Variants in ADCK1 observed in about 807,000 individuals in gnomAD.
ADCK1 encodes the protein aarF domain-containing protein kinase 1.
A neutral mutation model predicts 52.3 loss-of-function variants in ADCK1; 41 were observed. That is an observed-to-expected ratio of 0.78 (90% CI 0.61 to 1.02). ADCK1 has a LOEUF of 1.02. Ranked by LOEUF, ADCK1 falls within the 50% of genes least tolerant of loss-of-function variation. The probability of loss-of-function intolerance (pLI) is 0.00; values close to 1 mark genes in which losing one functional copy is unlikely to be tolerated. For synonymous variants in ADCK1, 250 were observed against 274.6 expected (o/e 0.91, Z 0.89); for missense variants, 658 against 679.5 (o/e 0.97, Z 0.35).
intron 4 of ADCK1, 134 bp downstream of exon 4, chr14:77,859,413 G>T: frequency 2.3e-6 from 2 of 861,498 alleles, no homozygotes; most frequent in Non-Finnish European, 3.5e-6. Flanking sequence ...GCCACTCTCA[G>T]TGCTGAAATC....
chr14:77,905,301 C>G (rs1252208149), intron 6 of ADCK1, among the ~76,000 whole-genome samples: 1 of 77,396 alleles, frequency 1.3e-5, no homozygotes, highest in Non-Finnish European at 2.7e-5. Context: ...TCTTTCCTAG[C>G]TGGTTTTTTT....
At chr14:77,836,247 A>G (rs542491990) in intron 3 of ADCK1, among the ~76,000 whole-genome samples, 1 of 152,328 alleles carries the variant, frequency 6.6e-6, no homozygotes, top group Admixed American at 6.5e-5. Context: ...TCTCTTGGTC[A>G]TGGGCTTCCC....
intron 1 of ADCK1, among the ~76,000 whole-genome samples, chr14:77,803,482 C>T (rs768255626): frequency 2.6e-5 from 4 of 152,146 alleles, no homozygotes; most frequent in South Asian, 4.2e-4. Flanking sequence ...GTCAAGGGGA[C>T]GGACATTTCG....
intron 4 of ADCK1, 84 bp downstream of exon 4, chr14:77,859,363 G>GT (rs1455691641): frequency 7.3e-7 from 1 of 1,366,620 alleles, no homozygotes; most frequent in East Asian, 2.5e-5. Flanking sequence ...CTCGACCAGG[G>GT]TGCTGGGGAT....
rs371572865 is a variant in ADCK1, at chr14:77,815,520, A to AT, written c.-11-3431dup. 8.2e-3 allele frequency among the ~76,000 whole-genome samples: 1,073 copies of AT among 131,090 alleles called. 10 individuals carry two copies. The highest frequency in any genetic ancestry group is 0.023 in the East Asian group (106 of 4,570). 86.0% of individuals were successfully genotyped at this position (131,090 alleles called of 152,430 possible). On this transcript the variant is annotated intron_variant, in intron 1 of 10. Transcript: ENST00000238561. ...TCACTGCCCCCAGCCAGGCACCTGC[A>AT]TTTTTTTTTTTTTTTTTGAGATGGA...
At chr14:77,850,335 G>C (rs1374196140) in intron 3 of ADCK1, among the ~76,000 whole-genome samples, 1 of 152,196 alleles carries the variant, frequency 6.6e-6, no homozygotes, top group African/African-American at 2.4e-5. Flanking sequence ...TAGTGTTCAA[G>C]TCTTTTATAT....
chr14:77,827,350 CAAA>C (rs772586548), intron 3 of ADCK1, among the ~76,000 whole-genome samples: 3,605 of 71,542 alleles, frequency 0.05, 52 homozygotes, highest in African/African-American at 0.11. Context: ...GACTCTGTCT[CAAA>C]AAAAAAAAAA....
At chr14:77,900,774 C>T in intron 6 of ADCK1, 1 of 332,302 alleles carries the variant, frequency 3.0e-6, no homozygotes, top group South Asian at 2.3e-5. Flanking sequence ...ATAAGCACAT[C>T]CAAAATTTGC....
chr14:77,816,926 A>C (rs1035563265), intron 1 of ADCK1, among the ~76,000 whole-genome samples: 2 of 144,720 alleles, frequency 1.4e-5, no homozygotes, highest in Admixed American at 7.1e-5. Flanking sequence ...GCTATATTAT[A>C]AGGCATAAGT....
At chr14:77,890,950 C>T (rs1322837275) in intron 5 of ADCK1, among the ~76,000 whole-genome samples, 2 of 152,082 alleles carry the variant, frequency 1.3e-5, no homozygotes, top group Admixed American at 1.3e-4. Flanking sequence ...TAGATCAAGT[C>T]CTAAGGGAGA....
chr14:77,832,178 G>A (rs2112129), intron 3 of ADCK1, among the ~76,000 whole-genome samples: 128,271 of 152,096 alleles, frequency 0.84, 54,271 homozygotes, highest in Middle Eastern at 0.93. Flanking sequence ...GGATTTCACC[G>A]TATTGGCCAG....
intron 2 of ADCK1, 94 bp downstream of exon 2, chr14:77,819,207 G>C: frequency 6.5e-7 from 1 of 1,539,966 alleles, no homozygotes; most frequent in East Asian, 2.3e-5. Context: ...CTATGCATAT[G>C]TGGAGATACT....
intron 9 of ADCK1, among the ~76,000 whole-genome samples, chr14:77,929,914 C>G (rs1207559042): frequency 6.6e-6 from 1 of 152,188 alleles, no homozygotes; most frequent in Non-Finnish European, 1.5e-5. Flanking sequence ...ATCTGCCCAT[C>G]TTGGCCTCCC....
At chr14:77,862,937 C>T (rs947875153) in intron 4 of ADCK1, among the ~76,000 whole-genome samples, 14 of 152,130 alleles carry the variant, frequency 9.2e-5, no homozygotes, top group African/African-American at 3.4e-4. Flanking sequence ...TCTGACCCAG[C>T]CCCTTAGAGA....
At chr14:77,850,457 G>T (rs1235889089) in intron 3 of ADCK1, among the ~76,000 whole-genome samples, 2 of 151,922 alleles carry the variant, frequency 1.3e-5, no homozygotes, top group Non-Finnish European at 1.5e-5. Context: ...GTTTTTTTAC[G>T]TCATGTATTT....
intron 3 of ADCK1, among the ~76,000 whole-genome samples, chr14:77,852,652 AATAAATAAATATAT>A (rs1308557168): frequency 0.14 from 4,498 of 32,244 alleles, 195 homozygotes; most frequent in Admixed American, 0.17. Context: ...TATTTCTTTA[AATAAATAAATATAT>A]ATATATATAT....
At chr14:77,807,037 T>C (rs1308887589) in intron 1 of ADCK1, among the ~76,000 whole-genome samples, 5 of 126,762 alleles carry the variant, frequency 3.9e-5, no homozygotes, top group African/African-American at 1.5e-4. Flanking sequence ...TCTCTCTCTC[T>C]CTTTTTTTTT....
chr14:77,930,181 A>G (rs2084294907), intron 9 of ADCK1, among the ~76,000 whole-genome samples: 1 of 152,134 alleles, frequency 6.6e-6, no homozygotes, highest in African/African-American at 2.4e-5. Context: ...AGCTGTGGCC[A>G]TAGGTGCCTC....
chr14:77,926,220 A>G (rs2084190561), intron 9 of ADCK1, among the ~76,000 whole-genome samples: 1 of 152,212 alleles, frequency 6.6e-6, no homozygotes, highest in Non-Finnish European at 1.5e-5. Context: ...GGTGCACATT[A>G]ACCATAATAA....
Sources: gnomAD v4.1 joint callset for allele counts (sites outside exome capture counted in the v4.1 genomes callset) on GRCh38, gnomAD v4.1.1 for gene constraint, MANE v1.5 for transcripts, NCBI Gene and HGNC (gene_info 2026-07-23, HGNC 2026-07-21) for gene names.